The following FGD4 variants were observed in gnomAD, a reference collection of about 807,000 sequenced individuals.
The protein encoded by FGD4 is FYVE, RhoGEF and PH domain-containing protein 4.
A neutral mutation model predicts 102.0 loss-of-function variants in FGD4; 42 were observed. The observed-to-expected ratio is 0.41, with a 90% confidence interval of 0.32 to 0.53. The LOEUF is 0.53. FGD4 is among the 20% of genes least tolerant of loss of function. The probability of loss-of-function intolerance (pLI) is 0.21; values close to 1 mark genes in which losing one functional copy is unlikely to be tolerated. For missense variants in FGD4, 902 were observed against 1,078.2 expected (o/e 0.84, Z 2.29); for synonymous variants, 380 against 375.7 (o/e 1.01, Z -0.13).
intron 4 of FGD4, 73 bp downstream of exon 4, chr12:32,582,540 A>G (rs767071555): frequency 6.3e-7 from 1 of 1,576,010 alleles, no homozygotes; most frequent in South Asian, 1.1e-5. Flanking sequence ...CTCTTTATTT[A>G]TTGCACCCCT....
chr12:32,640,056 G>C (rs997763336), intron 16 of FGD4, among the ~76,000 whole-genome samples: 5 of 152,100 alleles, frequency 3.3e-5, no homozygotes, highest in Non-Finnish European at 5.9e-5. Flanking sequence ...CTGAGTCCTA[G>C]CTGATTTGGG....
intron 4 of FGD4, among the ~76,000 whole-genome samples, chr12:32,585,834 C>CAAAAAAAAAAAA (rs58688697): frequency 1.5e-5 from 1 of 68,802 alleles, no homozygotes; most frequent in African/African-American, 5.7e-5. Flanking sequence ...GACCTTGTCT[C>CAAAAAAAAAAAA]AAAAAAAAAA....
intron 2 of FGD4, 149 bp downstream of exon 2, chr12:32,564,438 C>T: frequency 9.9e-7 from 1 of 1,009,814 alleles, no homozygotes; most frequent in African/African-American, 1.6e-5. Flanking sequence ...ATCTGTGCAT[C>T]TTCTCAGGCA....
At chr12:32,446,769 C>T (rs992213296) in intron 1 of FGD4, among the ~76,000 whole-genome samples, 3 of 152,140 alleles carry the variant, frequency 2.0e-5, no homozygotes, top group Non-Finnish European at 2.9e-5. Context: ...CCTTGTTCTA[C>T]AAGCTTAAAA....
chr12:32,432,051 ATTTTTTTTTT>A (rs60933809), intron 1 of FGD4, among the ~76,000 whole-genome samples: 32 of 107,710 alleles, frequency 3.0e-4, no homozygotes, highest in African/African-American at 5.8e-4. Context: ...TAATCCTAGC[ATTTTTTTTTT>A]TTTTTTTTTT....
At chr12:32,421,667 G>A (rs1286461597) in intron 1 of FGD4, among the ~76,000 whole-genome samples, 1 of 151,988 alleles carries the variant, frequency 6.6e-6, no homozygotes, top group Admixed American at 6.6e-5. Context: ...TTTAGGTCAA[G>A]ACTCCTGATA....
At position 32,576,336 on chromosome 12, in the gene FGD4, T is replaced by C; in HGVS notation, c.390T>C (p.Ala130=). The C allele has an allele frequency of 1.2e-6, 2 of 1,614,044 alleles. No individual in the cohort carries two copies. The highest frequency in any genetic ancestry group is 1.7e-6 in the Non-Finnish European group (2 of 1,180,000). ...SNIHQTPRHK[A]LPSAKPRMEE... ...TACACCAAACCCCCAGGCATAAAGC[T>C]TTACCTAGTGCAAAACCAAGGATGG... The change falls in exon 3 of 17, where the codon GCT becomes GCC. Residue 130 remains alanine, a synonymous_variant. Coordinates refer to ENST00000534526, the MANE Select transcript of FGD4 (RefSeq NM_001370298.3).
intron 1 of FGD4, among the ~76,000 whole-genome samples, chr12:32,494,728 G>A (rs1352556592): frequency 6.6e-6 from 1 of 152,160 alleles, no homozygotes; most frequent in Non-Finnish European, 1.5e-5. Context: ...AAGAAAGAGG[G>A]CATGGTTGGC....
At chr12:32,564,045 G>C in intron 1 of FGD4, 92 bp from the exon 2 acceptor site, 1 of 1,180,676 alleles carries the variant, frequency 8.5e-7, no homozygotes, top group Middle Eastern at 2.7e-4. Flanking sequence ...GAGGGGGAGG[G>C]AGAGGGAGTG....
chr12:32,463,272 T>C (rs1004519042), intron 1 of FGD4, among the ~76,000 whole-genome samples: 2 of 152,206 alleles, frequency 1.3e-5, no homozygotes, highest in African/African-American at 4.8e-5. Context: ...TTGTTCTAAG[T>C]CACATGCGAC....
intron 1 of FGD4, among the ~76,000 whole-genome samples, chr12:32,475,544 G>T (rs939740720): frequency 6.6e-6 from 1 of 152,112 alleles, no homozygotes; most frequent in Non-Finnish European, 1.5e-5. Context: ...AAAAGCACGG[G>T]TGTCTGTACC....
At chr12:32,582,811 G>A (rs577896733) in intron 4 of FGD4, 36 of 251,782 alleles carry the variant, frequency 1.4e-4, no homozygotes, top group Admixed American at 5.0e-4. Context: ...TAATACTTAC[G>A]GGCCAAGCAA....
At chr12:32,507,128 GTCCATGTGTTCTCATTGTTCAATTCCCA>G (rs1301848426) in intron 1 of FGD4, among the ~76,000 whole-genome samples, 1 of 131,568 alleles carries the variant, frequency 7.6e-6, no homozygotes, top group Non-Finnish European at 1.5e-5. Context: ...CCCTTCCTGT[GTCCATGTGTTCTCATTGTTCAATTCCCA>G]TCTATGAGTG....
chr12:32,434,121 T>G (rs1237381836), intron 1 of FGD4, among the ~76,000 whole-genome samples: 2 of 152,216 alleles, frequency 1.3e-5, no homozygotes, highest in African/African-American at 4.8e-5. Context: ...CCCAAAGTGC[T>G]GGGATTACAG....
At chr12:32,453,213 TATATATAATATAGATATATATATA>T (rs1565749023) in intron 1 of FGD4, among the ~76,000 whole-genome samples, 10 of 50,478 alleles carry the variant, frequency 2.0e-4, no homozygotes, top group Non-Finnish European at 2.8e-4. Flanking sequence ...TATATATATA[TATATATAATATAGATATATATATA>T]TTTTTTTTTT....
At chr12:32,444,023 T>TC (rs903329166) in intron 1 of FGD4, among the ~76,000 whole-genome samples, 2 of 86,590 alleles carry the variant, frequency 2.3e-5, no homozygotes, top group Middle Eastern at 5.2e-3. Context: ...TTTGTTTTCT[T>TC]TTTTTTTTTT....
chr12:32,505,475 GTCA>G (rs1217037945), intron 1 of FGD4, among the ~76,000 whole-genome samples: 2 of 152,150 alleles, frequency 1.3e-5, no homozygotes, highest in Non-Finnish European at 1.5e-5. Context: ...CTTCTGAGTT[GTCA>G]TCGTCTTCTG....
chr12:32,608,094 A>G lies in FGD4; in HGVS notation c.1542A>G (p.Lys514=). The part of the protein sequence containing the change: ...PPDSLDWNDA[K]KSLEIISTAA... ...ATTCCCTGGACTGGAATGATGCTAAAAGTAAATGCTTTTTTTTTGTTTTCT... is the reference window on the plus strand; with the variant it reads ...ATTCCCTGGACTGGAATGATGCTAAGAGTAAATGCTTTTTTTTTGTTTTCT... The change falls in exon 8 of 17, where the codon AAA becomes AAG. Residue 514 remains lysine, a splice_region_variant and synonymous_variant. Transcript: ENST00000534526. 6.2e-7 allele frequency: 1 copy of G among 1,614,180 alleles called. No homozygotes were observed. The highest frequency in any genetic ancestry group is 1.7e-5 in the Admixed American group (1 of 60,022).
chr12:32,478,153 C>T (rs1459710969), intron 1 of FGD4, among the ~76,000 whole-genome samples: 1 of 152,158 alleles, frequency 6.6e-6, no homozygotes, highest in East Asian at 1.9e-4. Context: ...TCTTTTTTAT[C>T]GTATTGTTGT....
Sources: allele counts gnomAD v4.1 joint callset (sites outside exome capture counted in the v4.1 genomes callset), GRCh38; gene constraint gnomAD v4.1.1; transcripts MANE v1.5; gene names NCBI Gene and HGNC (gene_info 2026-07-23, HGNC 2026-07-21).